The following TERT variants were observed in gnomAD, a reference collection of about 807,000 sequenced individuals.
The protein encoded by TERT is telomerase catalytic subunit.
A neutral mutation model predicts 104.0 loss-of-function variants in TERT; 42 were observed. The observed-to-expected ratio is 0.40, with a 90% CI of 0.32 to 0.52. The LOEUF (loss-of-function observed/expected upper bound fraction) is 0.52, where lower values mean the gene tolerates loss of function less well. Among genes scored for constraint, TERT ranks in the 20% least tolerant of loss-of-function variants. The pLI is 0.43. For synonymous variants in TERT, 781 were observed against 725.6 expected (o/e 1.08, Z -1.23); for missense variants, 1,101 against 1,610.3 (o/e 0.68, Z 5.41).
rs2126567342 is a variant in TERT at position 1,256,733 on chromosome 5, CAAAT to C, written c.3033-1326_3033-1323del. 6.6e-6 allele frequency among the ~76,000 whole-genome samples: 1 copy of C among 152,324 alleles called. No homozygotes were observed. Among genetic ancestry groups the C allele is most frequent in the Non-Finnish European group, 1.5e-5 (1 of 68,030 alleles). ...AAGCCAGGCCCAGAATGTTTTTAAA[CAAAT>C]AAATAAGCCTAAGGTCCCGGGGTTG... On this transcript the variant is annotated intron_variant, in intron 13 of 15. Coordinates refer to ENST00000310581, the MANE Select transcript of TERT (RefSeq NM_198253.3). This position sits in a 1 kb window ranked among gnomAD's most constrained non-coding sequence, Gnocchi z 7.0.
intron 6 of TERT, among the ~76,000 whole-genome samples, chr5:1,277,022 G>A (rs1391424032): frequency 6.6e-6 from 1 of 152,242 alleles, no homozygotes; most frequent in Admixed American, 6.5e-5. Flanking sequence ...GATGATGGCA[G>A]GCAGGCGCCC....
In TERT at chr5:1,268,724, A is replaced by C; in HGVS notation, c.2469-91T>G. 3.6e-6 allele frequency: 3 copies of C among 825,938 alleles called. No homozygotes were observed. The highest frequency in any genetic ancestry group is 6.2e-6 in the Non-Finnish European group (3 of 485,380). The allele number at this position is 825,938 out of a possible 1,614,324, so 51.2% of individuals were successfully genotyped here. On this transcript the variant is annotated intron_variant, in intron 8 of 15. Coordinates refer to ENST00000310581, the MANE Select transcript of TERT (RefSeq NM_198253.3). This position sits in a 1 kb window ranked among gnomAD's most constrained non-coding sequence, Gnocchi z 5.5. ...GAGCCACACACAGACACAGAACCTC[A>C]TACACACAAACGACACGTCTACCAT...
chr5:1,278,094 C>G (rs1184175941), intron 6 of TERT, among the ~76,000 whole-genome samples: 1 of 152,182 alleles, frequency 6.6e-6, no homozygotes, highest in Non-Finnish European at 1.5e-5. Flanking sequence ...GAAGGTACCA[C>G]CAGCATCCCT....
At position 1,274,154 on chromosome 5, in the gene TERT, T is replaced by C. The variant is rs985754599; in HGVS notation, c.2287-1874A>G. ...CGCACGGTGACTCTGTGCTTCAGCA[T>C]GTTCCCCAGCCCCCAGGAGCTGGCG... On this transcript the variant is annotated intron_variant, in intron 6 of 15. Coordinates refer to ENST00000310581, the MANE Select transcript of TERT (RefSeq NM_198253.3). This position sits in a 1 kb window ranked among gnomAD's most constrained non-coding sequence, Gnocchi z 5.3. Among the ~76,000 whole-genome samples, 2 of 152,208 alleles carry C rather than the reference T, an allele frequency of 1.3e-5. No individual in the cohort carries two copies. The highest frequency in any genetic ancestry group is 2.4e-5 in the African/African-American group (1 of 41,458).
intron 2 of TERT, among the ~76,000 whole-genome samples, chr5:1,284,111 C>T (rs1750283489): frequency 7.3e-6 from 1 of 136,300 alleles, no homozygotes; most frequent in Admixed American, 7.2e-5. Flanking sequence ...ATCATCCGGA[C>T]TCCATACCTC....
At position 1,287,206 on chromosome 5, in the gene TERT, G is replaced by C. The variant is rs1364876627; in HGVS notation, c.1574-4582C>G. On this transcript the variant is annotated intron_variant, in intron 2 of 15. Transcript: ENST00000310581. This position sits in a 1 kb window ranked among gnomAD's most constrained non-coding sequence, Gnocchi z 4.3. The stretch of plus-strand genomic sequence containing the variant: ...ATACCCACACTATAAGAATATAAAA[G>C]TGTTGAAAATTAGGCCAGACATGGT... Among the ~76,000 whole-genome samples, 1 of 151,986 alleles carries C rather than the reference G, an allele frequency of 6.6e-6. No homozygotes were observed. The highest frequency in any genetic ancestry group is 1.5e-5 in the Non-Finnish European group (1 of 68,010).
chr5:1,277,938 G>GGGCCCCTTTCACCCCTGCCGAGCCCCAA lies in TERT; in HGVS notation c.2286+675_2286+702dup, dbSNP rs566251316. Among the ~76,000 whole-genome samples the GGGCCCCTTTCACCCCTGCCGAGCCCCAA allele has an allele frequency of 4.0e-3, 608 of 152,298 alleles. 3 individuals are homozygous for GGGCCCCTTTCACCCCTGCCGAGCCCCAA. The highest frequency in any genetic ancestry group is 0.014 in the African/African-American group (581 of 41,552). On this transcript the variant is annotated intron_variant, in intron 6 of 15. Coordinates refer to ENST00000310581, the MANE Select transcript of TERT (RefSeq NM_198253.3). The stretch of plus-strand genomic sequence containing the variant: ...ACCACTGGGTGGGAACCCAAGCCCA[G>GGGCCCCTTTCACCCCTGCCGAGCCCCAA]GGCCCCTTTCACCCCTGCCGAGCCC...
intron 2 of TERT, chr5:1,283,030 G>A (rs1360715768): frequency 2.1e-5 from 7 of 325,946 alleles, no homozygotes; most frequent in African/African-American, 9.9e-5. Context: ...CCAGCTCACC[G>A]CAGGGCCTGG....
At position 1,270,628 on chromosome 5, in the gene TERT, T is replaced by G. The variant is rs899258862; in HGVS notation, c.2468+491A>C. 6.6e-6 allele frequency among the ~76,000 whole-genome samples: 1 copy of G among 152,020 alleles called. No homozygotes were observed. Among genetic ancestry groups the G allele is most frequent in the African/African-American group, 2.4e-5 (1 of 41,374 alleles). Reference sequence around the variant, plus strand: ...CAAACTACACGGTCAACCCCGCACTTTCCAGATGGGAAATCTAGTCACAGA... The same window carrying G: ...CAAACTACACGGTCAACCCCGCACTGTCCAGATGGGAAATCTAGTCACAGA... On this transcript the variant is annotated intron_variant, in intron 8 of 15. Transcript: ENST00000310581. The surrounding 1 kb of genome is among the most constrained non-coding windows in gnomAD (Gnocchi z 8.3).
intron 12 of TERT, among the ~76,000 whole-genome samples, chr5:1,259,482 G>A (rs1489487987): frequency 1.2e-4 from 14 of 121,020 alleles, no homozygotes; most frequent in East Asian, 5.8e-4. Context: ...GGGAGTGGAC[G>A]CGGACGCCCA....
At chr5:1,254,186 C>T (rs1747544762) in intron 15 of TERT, among the ~76,000 whole-genome samples, 182 bp downstream of exon 15, 1 of 152,188 alleles carries the variant, frequency 6.6e-6, no homozygotes, top group Admixed American at 6.5e-5. Context: ...CCCTGCCAGG[C>T]TCCGTGGCCT....
intron 9 of TERT, 147 bp from the exon 10 acceptor site, chr5:1,266,682 T>C: frequency 2.7e-6 from 2 of 743,454 alleles, no homozygotes; most frequent in East Asian, 5.4e-5. Context: ...TAAATTTCTT[T>C]CCAACAGACG....
At position 1,266,451 on chromosome 5, in the gene TERT, G is replaced by A. The variant is rs1427528815; in HGVS notation, c.2654+13C>T. 6.2e-7 allele frequency: 1 copy of A among 1,602,658 alleles called. No individual in the cohort carries two copies. Among genetic ancestry groups the A allele is most frequent in the Non-Finnish European group, 8.5e-7 (1 of 1,174,274 alleles). On this transcript the variant is annotated intron_variant, in intron 10 of 15. Coordinates refer to ENST00000310581, the MANE Select transcript of TERT (RefSeq NM_198253.3). ...CTGTGGAGGTCCCCACAGACACACG[G>A]CACGGGCCTCACCTGAGGAAGGTTT...
chr5:1,271,246 G>C (rs1749013345), intron 7 of TERT, 42 bp from the exon 8 acceptor site: 1 of 1,484,634 alleles, frequency 6.7e-7, no homozygotes, highest in Non-Finnish European at 9.4e-7. Flanking sequence ...GAGCCGGTGG[G>C]TGCTGAGACA....
At chr5:1,259,962 G>C (rs542201278) in intron 12 of TERT, among the ~76,000 whole-genome samples, 1 of 146,132 alleles carries the variant, frequency 6.8e-6, no homozygotes, top group African/African-American at 2.5e-5. Context: ...CACAGGAGAG[G>C]GGGAGTGGAC....
At chr5:1,258,696 C>A (rs1747939072) in intron 12 of TERT, 37 bp from the exon 13 acceptor site, 2 of 1,528,292 alleles carry the variant, frequency 1.3e-6, no homozygotes, top group South Asian at 1.2e-5. Context: ...ACGGTAGAAA[C>A]CTCTCTGGGA....
intron 3 of TERT, among the ~76,000 whole-genome samples, chr5:1,280,709 G>C (rs1442665800): frequency 6.6e-6 from 1 of 152,188 alleles, no homozygotes; most frequent in Non-Finnish European, 1.5e-5. Context: ...CACTGGGGTA[G>C]CCCAAGGCTG....
In TERT at chr5:1,294,757, C is replaced by A; in HGVS notation, c.219+14G>T. 6.5e-7 allele frequency: 1 copy of A among 1,549,894 alleles called. No homozygotes were observed. The highest frequency in any genetic ancestry group is 2.4e-5 in the East Asian group (1 of 41,930). The stretch of plus-strand genomic sequence containing the variant: ...CCTCAACCCCAGCCGGACGCCGACC[C>A]CGGGGAGGCCCACCTGGCGGAAGGA... On this transcript the variant is annotated intron_variant, in intron 1 of 15. Transcript: ENST00000310581.
At position 1,270,835 on chromosome 5, in the gene TERT, A is replaced by C. The variant is rs1748972532; in HGVS notation, c.2468+284T>G. Among the ~76,000 whole-genome samples, 1 of 151,612 alleles carries C rather than the reference A, an allele frequency of 6.6e-6. No individual in the cohort carries two copies. On this transcript the variant is annotated intron_variant, in intron 8 of 15. Transcript: ENST00000310581. The surrounding 1 kb of genome is among the most constrained non-coding windows in gnomAD (Gnocchi z 8.3). Reference sequence around the variant, plus strand: ...CTCGGCGCACACCTGACCCAGACACACCCCCCGCCCCTCGTCCTCCACGCA... The same window carrying C: ...CTCGGCGCACACCTGACCCAGACACCCCCCCCGCCCCTCGTCCTCCACGCA...
Sources: allele counts gnomAD v4.1 joint callset (sites outside exome capture counted in the v4.1 genomes callset), GRCh38; gene constraint gnomAD v4.1.1; non-coding constraint Gnocchi (gnomAD v3.1); transcripts MANE v1.5; gene names NCBI Gene and HGNC (gene_info 2026-07-23, HGNC 2026-07-21).